Variants in FAAH observed in about 807,000 individuals in gnomAD.
The protein encoded by FAAH is fatty-acid amide hydrolase 1.
In FAAH, 63 loss-of-function variants were observed where a neutral mutation model predicts 69.7. The observed-to-expected ratio is 0.90, with a 90% CI of 0.74 to 1.12. The LOEUF is 1.12. FAAH is among the 50% of genes most tolerant of loss of function. The pLI, the probability that FAAH is intolerant of heterozygous loss-of-function variation, is 0.00. For synonymous variants in FAAH, 305 were observed against 324.2 expected, an observed-to-expected ratio of 0.94 and a Z score of 0.64; for missense variants, 680 against 755.0, an observed-to-expected ratio of 0.90 and a Z score of 1.16.
chr1:46,395,601 G>C (rs769163362), intron 1 of FAAH, among the ~76,000 whole-genome samples: 2 of 152,228 alleles, frequency 1.3e-5, no homozygotes, highest in African/African-American at 4.8e-5. Context: ...AGGGCTTGCT[G>C]TATCTGTGGG....
In FAAH at chr1:46,405,274, G is replaced by T. The variant is rs1031949168; in HGVS notation, c.445-98G>T. ...CCAGAGGCCTTCCGAGGGGACACTG[G>T]TATACCTGTTTTGGCCTGTGTGACA... is the stretch of plus-strand genomic sequence containing the variant. On this transcript the variant is annotated intron_variant, in intron 3 of 14. Transcript: ENST00000243167. This position sits in a 1 kb window ranked among gnomAD's most constrained non-coding sequence, Gnocchi z 4.1. The T allele has an allele frequency of 6.2e-7, 1 of 1,607,568 alleles. No individual in the cohort carries two copies. The highest frequency in any genetic ancestry group is 8.5e-7 in the Non-Finnish European group (1 of 1,179,268).
Position 46,405,977 on chromosome 1 carries a change from G to C in FAAH, c.786-61G>C. The C allele has an allele frequency of 1.9e-6, 3 of 1,613,724 alleles. No individual in the cohort carries two copies. The highest frequency in any genetic ancestry group is 2.5e-6 in the Non-Finnish European group (3 of 1,179,928). ...GGTGAGTGTTCAGAGCTGCTCTGTG[G>C]GTGTGGGGATGGCGGCGGGTGGCCA... On this transcript the variant is annotated intron_variant, in intron 5 of 14. Coordinates refer to ENST00000243167, the MANE Select transcript of FAAH (RefSeq NM_001441.3). This position sits in a 1 kb window ranked among gnomAD's most constrained non-coding sequence, Gnocchi z 4.1.
Position 46,410,705 on chromosome 1 carries a change from C to T in FAAH, c.1276-109C>T. 2 of 1,401,224 alleles carry T rather than the reference C, an allele frequency of 1.4e-6. No homozygotes were observed. Among genetic ancestry groups the T allele is most frequent in the Non-Finnish European group, 1.0e-6 (1 of 986,352 alleles). The allele number at this position is 1,401,224 out of a possible 1,614,324, so 86.8% of individuals were successfully genotyped here. A position where few individuals can be genotyped will look rare whatever the true frequency, so the allele number is the denominator to read the frequency against. ...ATGCTGAAAGGGGTGCCGACCTGGG[C>T]CCTGGGGGGAGGCATGGAGGGAGGG... On this transcript the variant is annotated intron_variant, in intron 10 of 14. Transcript: ENST00000243167. The surrounding 1 kb of genome is among the most constrained non-coding windows in gnomAD (Gnocchi z 4.9).
intron 9 of FAAH, 133 bp downstream of exon 9, chr1:46,409,331 C>A (rs941304185): frequency 1.2e-5 from 9 of 728,974 alleles, no homozygotes; most frequent in African/African-American, 8.6e-5. Context: ...TGGGCAGGGA[C>A]CTCGCTGTCC....
chr1:46,397,071 C>T (rs535519404), intron 1 of FAAH, among the ~76,000 whole-genome samples: 2 of 152,376 alleles, frequency 1.3e-5, no homozygotes, highest in African/African-American at 4.8e-5. Context: ...TACACAAGCA[C>T]AGGTTCTTCA....
intron 1 of FAAH, among the ~76,000 whole-genome samples, chr1:46,395,273 G>A (rs1045491021): frequency 1.3e-5 from 2 of 152,180 alleles, no homozygotes; most frequent in Non-Finnish European, 2.9e-5. Flanking sequence ...ATCCTAAGAG[G>A]GAGCCAGAAA....
intron 1 of FAAH, among the ~76,000 whole-genome samples, chr1:46,397,265 G>C (rs1664613299): frequency 6.6e-6 from 1 of 152,244 alleles, no homozygotes; most frequent in Non-Finnish European, 1.5e-5. Context: ...GAATCCACCT[G>C]GCTGGCAGGG....
At chr1:46,399,370 T>C (rs917414340) in intron 1 of FAAH, among the ~76,000 whole-genome samples, 1 of 152,240 alleles carries the variant, frequency 6.6e-6, no homozygotes, top group African/African-American at 2.4e-5. Context: ...ATTGGTCTTC[T>C]GGAGGTGCAG....
intron 1 of FAAH, among the ~76,000 whole-genome samples, chr1:46,400,129 AG>A (rs1664670089): frequency 9.1e-6 from 1 of 110,488 alleles, no homozygotes; most frequent in Admixed American, 1.3e-4. Context: ...TGAGGACATC[AG>A]GGGGCAGAGG....
intron 1 of FAAH, 59 bp from the exon 2 acceptor site, chr1:46,402,032 T>A (rs957021856): frequency 7.0e-7 from 1 of 1,418,588 alleles, no homozygotes; most frequent in Non-Finnish European, 9.8e-7. Flanking sequence ...CACTGGTGTC[T>A]GCTGCAGGCC....
intron 7 of FAAH, among the ~76,000 whole-genome samples, chr1:46,407,773 T>G (rs1335711149): frequency 6.6e-6 from 1 of 152,150 alleles, no homozygotes; most frequent in Non-Finnish European, 1.5e-5. Flanking sequence ...AAGAGTGAAG[T>G]CACGTTAATG....
chr1:46,410,604 C>T lies in FAAH; in HGVS notation c.1275+107C>T. ...CTCAGCCTCTCTTGGTTTGGGCAGG[C>T]ATGGCCTCCTCTTCTCTCCAGTCCC... On this transcript the variant is annotated intron_variant, in intron 10 of 14. Coordinates refer to ENST00000243167, the MANE Select transcript of FAAH (RefSeq NM_001441.3). The surrounding 1 kb of genome is among the most constrained non-coding windows in gnomAD (Gnocchi z 4.9). 1 of 1,165,324 alleles carries T rather than the reference C, an allele frequency of 8.6e-7. No individual in the cohort carries two copies. The highest frequency in any genetic ancestry group is 1.3e-5 in the South Asian group (1 of 78,838). The allele number at this position is 1,165,324 out of a possible 1,614,324, so 72.2% of individuals were successfully genotyped here.
intron 1 of FAAH, among the ~76,000 whole-genome samples, chr1:46,398,817 G>A (rs1275350056): frequency 6.6e-6 from 1 of 152,176 alleles, no homozygotes; most frequent in African/African-American, 2.4e-5. Context: ...TTACAGGTGT[G>A]AGCCACCACT....
intron 2 of FAAH, among the ~76,000 whole-genome samples, chr1:46,402,786 G>A (rs1423937740): frequency 6.6e-6 from 1 of 151,634 alleles, no homozygotes; most frequent in East Asian, 1.9e-4. Flanking sequence ...TCCACCTCCT[G>A]GGTTCAAGTG....
rs900296866 is a variant in FAAH, at chr1:46,404,343, G to T, written c.310-671G>T. Among the ~76,000 whole-genome samples the T allele has an allele frequency of 1.3e-5, 2 of 152,216 alleles. No individual in the cohort carries two copies. Among genetic ancestry groups the T allele is most frequent in the Non-Finnish European group, 2.9e-5 (2 of 68,042 alleles). ...CCAGGAGCAGGAATATTTACTGAAA[G>T]CTGCATCTCACTCTGCCCTCACCTT... On this transcript the variant is annotated intron_variant, in intron 2 of 14. Coordinates refer to ENST00000243167, the MANE Select transcript of FAAH (RefSeq NM_001441.3). This position sits in a 1 kb window ranked among gnomAD's most constrained non-coding sequence, Gnocchi z 4.5.
intron 1 of FAAH, among the ~76,000 whole-genome samples, chr1:46,398,128 T>G (rs1664632336): frequency 1.3e-5 from 2 of 152,004 alleles, no homozygotes; most frequent in South Asian, 2.1e-4. Context: ...AGAGATGGGA[T>G]TTCACCATCT....
At position 46,408,446 on chromosome 1, in the gene FAAH, G is replaced by C; in HGVS notation, c.952-13G>C. On this transcript the variant is annotated splice_polypyrimidine_tract_variant and intron_variant, in intron 7 of 14. Coordinates refer to ENST00000243167, the MANE Select transcript of FAAH (RefSeq NM_001441.3). ...CTCCTGACCTGCCCCTGTCCCCTGT[G>C]TTTTCCCTCCAGGTCTACACCAGCT... 1 of 1,614,086 alleles carries C rather than the reference G, an allele frequency of 6.2e-7. No individual in the cohort carries two copies. Among genetic ancestry groups the C allele is most frequent in the African/African-American group, 1.3e-5 (1 of 75,016 alleles).
intron 7 of FAAH, 125 bp from the exon 8 acceptor site, chr1:46,408,334 G>A (rs1382455591): frequency 7.8e-7 from 1 of 1,276,326 alleles, no homozygotes; most frequent in African/African-American, 1.5e-5. Flanking sequence ...ATGCAGAAGG[G>A]GCTGGCCTCG....
chr1:46,404,209 T>C lies in FAAH; in HGVS notation c.310-805T>C, dbSNP rs560027286. On this transcript the variant is annotated intron_variant, in intron 2 of 14. Transcript: ENST00000243167. This position sits in a 1 kb window ranked among gnomAD's most constrained non-coding sequence, Gnocchi z 4.5. Reference sequence around the variant, plus strand: ...CCTGCCCTTCCTAGTTAATCTAGTCTATCTGGTTAGATTAGCCTTCTCTGT... The same window carrying C: ...CCTGCCCTTCCTAGTTAATCTAGTCCATCTGGTTAGATTAGCCTTCTCTGT... Among the ~76,000 whole-genome samples, 1 of 152,354 alleles carries C rather than the reference T, an allele frequency of 6.6e-6. No homozygotes were observed. Among genetic ancestry groups the C allele is most frequent in the East Asian group, 1.9e-4 (1 of 5,188 alleles).
Sources: allele counts gnomAD v4.1 joint callset (sites outside exome capture counted in the v4.1 genomes callset), GRCh38; gene constraint gnomAD v4.1.1; non-coding constraint Gnocchi (gnomAD v3.1); transcripts MANE v1.5; gene names NCBI Gene and HGNC (gene_info 2026-07-23, HGNC 2026-07-21).